ANKRD36C: variants seen among roughly 807,000 people sequenced by gnomAD.
The protein encoded by ANKRD36C is ankyrin repeat domain-containing protein 36C.
ANKRD36C carries 61 observed loss-of-function variants against 276.4 expected under a neutral mutation model. That is an observed-to-expected ratio of 0.22 (90% CI 0.18 to 0.27). ANKRD36C has a LOEUF of 0.27. Ranked by LOEUF, ANKRD36C falls within the 10% of genes least tolerant of loss-of-function variation. The pLI is 1.00. For synonymous variants in ANKRD36C, 483 were observed against 680.1 expected, an observed-to-expected ratio of 0.71 and a Z score of 4.51; for missense variants, 1,447 against 2,032.3, an observed-to-expected ratio of 0.71 and a Z score of 5.54.
chr2:95,976,589 G>A (rs1678814163), intron 6 of ANKRD36C, among the ~76,000 whole-genome samples: 2 of 152,080 alleles, frequency 1.3e-5, no homozygotes, highest in South Asian at 4.1e-4. Flanking sequence ...GTAAAAGCGT[G>A]GGCACATGTA....
intron 22 of ANKRD36C, among the ~76,000 whole-genome samples, chr2:95,938,163 T>A (rs1175069211): frequency 1.3e-5 from 2 of 152,288 alleles, no homozygotes; most frequent in Non-Finnish European, 2.9e-5. Flanking sequence ...AAAGTATTTT[T>A]AATGTGCATT....
chr2:95,991,065 G>T (rs1679128474), intron 1 of ANKRD36C, among the ~76,000 whole-genome samples: 1 of 151,312 alleles, frequency 6.6e-6, no homozygotes, highest in South Asian at 2.1e-4. Flanking sequence ...CCCAGGTGCG[G>T]CTGAGCCTGC....
intron 22 of ANKRD36C, among the ~76,000 whole-genome samples, chr2:95,937,418 A>T (rs1358280723): frequency 4.6e-5 from 7 of 151,940 alleles, no homozygotes; most frequent in African/African-American, 1.7e-4. Context: ...TGCCATGGAC[A>T]AAAACAAATA....
At chr2:95,968,403 C>A (rs1678635310) in intron 6 of ANKRD36C, among the ~76,000 whole-genome samples, 1 of 152,128 alleles carries the variant, frequency 6.6e-6, no homozygotes, top group African/African-American at 2.4e-5. Flanking sequence ...AGAATCCTAT[C>A]ACACTGACAG....
intron 42 of ANKRD36C, among the ~76,000 whole-genome samples, chr2:95,910,973 T>G (rs1406230412): frequency 6.6e-6 from 1 of 151,446 alleles, no homozygotes; most frequent in Non-Finnish European, 1.5e-5. Flanking sequence ...TTTACACCAT[T>G]ATACTACAAA....
intron 42 of ANKRD36C, among the ~76,000 whole-genome samples, chr2:95,911,054 T>C (rs1362144516): frequency 1.3e-5 from 2 of 151,390 alleles, no homozygotes; most frequent in Non-Finnish European, 3.0e-5. Flanking sequence ...TCAGTTGAAC[T>C]TACACTTCAC....
chr2:95,872,419 G>T (rs1015902378), intron 59 of ANKRD36C, among the ~76,000 whole-genome samples: 3 of 151,316 alleles, frequency 2.0e-5, no homozygotes, highest in African/African-American at 7.3e-5. Context: ...AATGACTACT[G>T]GGTACATAAC....
chr2:95,958,423 A>C (rs1234613760), intron 12 of ANKRD36C, among the ~76,000 whole-genome samples, 168 bp downstream of exon 12: 1 of 152,102 alleles, frequency 6.6e-6, no homozygotes, highest in Non-Finnish European at 1.5e-5. Flanking sequence ...ATCATGGACA[A>C]AAATCAGCAG....
At chr2:95,942,261 A>G (rs1351275175) in intron 19 of ANKRD36C, among the ~76,000 whole-genome samples, 1 of 152,286 alleles carries the variant, frequency 6.6e-6, no homozygotes, top group Admixed American at 6.5e-5. Flanking sequence ...GAAGTTTTGA[A>G]AATAAAAAGA....
chr2:95,960,437 A>G, intron 10 of ANKRD36C, 36 bp downstream of exon 10: 2 of 1,540,706 alleles, frequency 1.3e-6, no homozygotes, highest in Non-Finnish European at 1.7e-6. Flanking sequence ...CTCTATCTTC[A>G]GTGAACGTGG....
intron 10 of ANKRD36C, among the ~76,000 whole-genome samples, chr2:95,959,295 G>A (rs1054566161): frequency 2.0e-5 from 3 of 151,930 alleles, no homozygotes; most frequent in Non-Finnish European, 2.9e-5. Context: ...AGTGCTCTGT[G>A]GAAGTGTTCT....
At chr2:95,865,163 C>A (rs570791736) in intron 60 of ANKRD36C, among the ~76,000 whole-genome samples, 2 of 151,830 alleles carry the variant, frequency 1.3e-5, no homozygotes, top group East Asian at 1.9e-4. Context: ...TATGAAAAGA[C>A]CTATAAACTA....
rs966630099 is a variant in ANKRD36C at position 95,888,228 on chromosome 2, T to C, written c.2960-108A>G. 10 of 1,546,314 alleles carry C rather than the reference T, an allele frequency of 6.5e-6. No homozygotes were observed. The Admixed American group carries it at 1.8e-4, about 28-fold the overall frequency. On this transcript the variant is annotated intron_variant, in intron 48 of 66. Coordinates refer to ENST00000456556, the Ensembl canonical transcript of ANKRD36C. ...ATGTATCTTCCTGCCTGTATTAGTATAGGCTTTGATGTTTTCTACTTTGTG... is the reference window on the plus strand; with the variant it reads ...ATGTATCTTCCTGCCTGTATTAGTACAGGCTTTGATGTTTTCTACTTTGTG...
chr2:95,975,982 C>A (rs939177211), intron 6 of ANKRD36C, among the ~76,000 whole-genome samples: 3 of 152,164 alleles, frequency 2.0e-5, no homozygotes, highest in African/African-American at 7.2e-5. Context: ...TGAACAGACA[C>A]TTCTCAAAAG....
intron 17 of ANKRD36C, among the ~76,000 whole-genome samples, chr2:95,947,926 T>A (rs1238498400): frequency 6.6e-6 from 1 of 152,164 alleles, no homozygotes; most frequent in Non-Finnish European, 1.5e-5. Flanking sequence ...TAGGTGGGAC[T>A]ACAGGCACAT....
chr2:95,982,897 G>C (rs1357111971), intron 3 of ANKRD36C, among the ~76,000 whole-genome samples: 2 of 143,702 alleles, frequency 1.4e-5, no homozygotes, highest in Non-Finnish European at 3.0e-5. Flanking sequence ...TTTGAAAAAT[G>C]TTACAAAACT....
intron 38 of ANKRD36C, among the ~76,000 whole-genome samples, chr2:95,915,499 T>C (rs1318943961): frequency 1.3e-5 from 2 of 151,500 alleles, no homozygotes; most frequent in Non-Finnish European, 3.0e-5. Context: ...TGACTTCCTC[T>C]TTTCCCACCT....
intron 5 of ANKRD36C, among the ~76,000 whole-genome samples, chr2:95,978,474 T>C (rs936316543): frequency 1.3e-5 from 2 of 152,078 alleles, no homozygotes; most frequent in Non-Finnish European, 2.9e-5. Flanking sequence ...CCTGGCTCTA[T>C]AGCCAACAGG....
intron 59 of ANKRD36C, among the ~76,000 whole-genome samples, chr2:95,872,630 T>C (rs1191330670): frequency 6.6e-6 from 1 of 151,724 alleles, no homozygotes; most frequent in African/African-American, 2.4e-5. Flanking sequence ...AGCAAACACA[T>C]TCAAAAGCTA....
Sources: allele counts gnomAD v4.1 joint callset (sites outside exome capture counted in the v4.1 genomes callset), GRCh38; gene constraint gnomAD v4.1.1; transcripts MANE v1.5; gene names NCBI Gene and HGNC (gene_info 2026-07-23, HGNC 2026-07-21).